Variants in AHCY observed in about 807,000 individuals in gnomAD.
AHCY encodes S-adenosyl-L-homocysteine hydrolase.
In AHCY, 24 loss-of-function variants were observed where a neutral mutation model predicts 45.4. The observed-to-expected ratio is 0.53, with a 90% CI of 0.38 to 0.74. AHCY has a LOEUF of 0.74. AHCY is among the 30% of genes least tolerant of loss of function. The pLI is 0.00. For synonymous variants in AHCY, 245 were observed against 235.1 expected, an observed-to-expected ratio of 1.04 and a Z score of -0.39; for missense variants, 449 against 594.1, an observed-to-expected ratio of 0.76 and a Z score of 2.54.
chr20:34,270,109 G>A, the AHCY span, among the ~76,000 whole-genome samples: 12 of 151,796 alleles, frequency 7.9e-5, no homozygotes, highest in Admixed American at 1.3e-4. Flanking sequence ...AAAATTAGCC[G>A]GGTGTGGTGG....
chr20:34,285,885 G>A (rs766359200), intron 8 of AHCY: 22 of 485,912 alleles, frequency 4.5e-5, no homozygotes, highest in Non-Finnish European at 8.3e-5. Context: ...CGGATCATGA[G>A]GTCAGGAGAT....
the AHCY span, among the ~76,000 whole-genome samples, chr20:34,270,911 A>C: frequency 6.6e-6 from 1 of 151,342 alleles, no homozygotes; most frequent in African/African-American, 2.4e-5. Flanking sequence ...TCCTGCCTCA[A>C]CCTCCCAAAG....
chr20:34,271,513 G>A, the AHCY span, among the ~76,000 whole-genome samples: 1 of 151,500 alleles, frequency 6.6e-6, no homozygotes, highest in Non-Finnish European at 1.5e-5. Context: ...TTCCTGAAGG[G>A]CATAGCCTTA....
the AHCY span, among the ~76,000 whole-genome samples, chr20:34,249,120 C>T: frequency 6.6e-6 from 1 of 151,848 alleles, no homozygotes; most frequent in Non-Finnish European, 1.5e-5. Context: ...CAGAGTGAGA[C>T]CCTGTCTCGA....
chr20:34,274,341 C>G, the AHCY span, among the ~76,000 whole-genome samples: 2 of 152,186 alleles, frequency 1.3e-5, no homozygotes, highest in African/African-American at 4.8e-5. Flanking sequence ...ATAGACCTCA[C>G]ACCTCAGCAT....
the AHCY span, among the ~76,000 whole-genome samples, chr20:34,251,580 G>A: frequency 1.3e-5 from 2 of 152,142 alleles, no homozygotes; most frequent in Non-Finnish European, 2.9e-5. Flanking sequence ...GACCTTCTCT[G>A]TGTAACTATT....
At chr20:34,242,380 A>G in the AHCY span, among the ~76,000 whole-genome samples, 2 of 152,040 alleles carry the variant, frequency 1.3e-5, no homozygotes, top group African/African-American at 2.4e-5. Context: ...CAACAGGCAC[A>G]CACCACCACG....
the AHCY span, among the ~76,000 whole-genome samples, chr20:34,236,509 A>AC: frequency 6.6e-6 from 1 of 151,600 alleles, no homozygotes; most frequent in African/African-American, 2.4e-5. Flanking sequence ...GCACCACTGC[A>AC]CTCCAGCCTG....
intron 9 of AHCY, among the ~76,000 whole-genome samples, chr20:34,282,714 A>G (rs532909656): frequency 1.1e-4 from 16 of 152,268 alleles, no homozygotes; most frequent in African/African-American, 3.9e-4. Context: ...CAAAGCCCCA[A>G]AATGTGTCTC....
intron 1 of AHCY, among the ~76,000 whole-genome samples, chr20:34,300,844 G>A (rs907100764): frequency 3.3e-5 from 5 of 152,204 alleles, no homozygotes; most frequent in Non-Finnish European, 7.3e-5. Context: ...GACTGGGGTG[G>A]TGACCGTGGA....
At position 34,280,712 on chromosome 20, in the gene AHCY, C is replaced by T. The variant is rs1352129118; in HGVS notation, c.*322G>A. On this transcript the variant is annotated 3_prime_UTR_variant, in exon 10 of 10. Coordinates refer to ENST00000217426, the MANE Select transcript of AHCY (RefSeq NM_000687.4). The stretch of plus-strand genomic sequence containing the variant: ...AGGTGAAGGCCTAGATGGCAAAACA[C>T]ATGGGCTTTGTGACTCCACTACTGA... 4.8e-6 allele frequency: 2 copies of T among 412,642 alleles called. No individual in the cohort carries two copies. Among genetic ancestry groups the T allele is most frequent in the Non-Finnish European group, 9.2e-6 (2 of 218,092 alleles). 25.6% of individuals were successfully genotyped at this position (412,642 alleles called of 1,614,324 possible). A position where few individuals can be genotyped will look rare whatever the true frequency, so the allele number is the denominator to read the frequency against.
At chr20:34,308,243 A>G (rs559596777), upstream of AHCY, among the ~76,000 whole-genome samples, 1 of 152,352 alleles carries the variant, frequency 6.6e-6, no homozygotes, top group South Asian at 2.1e-4. Context: ...TATTGTGAAT[A>G]GTACCTGTTA....
intron 2 of AHCY, among the ~76,000 whole-genome samples, chr20:34,294,881 C>A (rs376917145): frequency 6.6e-6 from 1 of 152,172 alleles, no homozygotes; most frequent in Non-Finnish European, 1.5e-5. Flanking sequence ...AAGAAGAGGT[C>A]CAAGGACTCA....
the AHCY span, chr20:34,262,833 G>A: frequency 2.4e-5 from 39 of 1,613,836 alleles, no homozygotes; most frequent in East Asian, 8.9e-5. Flanking sequence ...TCTTTGAAGC[G>A]CTGAACAAGA....
At chr20:34,295,314 C>T in intron 2 of AHCY, 81 bp downstream of exon 2, 1 of 1,561,352 alleles carries the variant, frequency 6.4e-7, no homozygotes, top group Non-Finnish European at 8.7e-7. Flanking sequence ...TGGAAGGTCC[C>T]CACCCTGGCA....
upstream of AHCY, among the ~76,000 whole-genome samples, chr20:34,305,915 C>G (rs1427597837): frequency 6.6e-6 from 1 of 151,826 alleles, no homozygotes; most frequent in Non-Finnish European, 1.5e-5. Context: ...AACCCTGTAT[C>G]TACTAAAAAT....
the AHCY span, among the ~76,000 whole-genome samples, chr20:34,263,960 C>T: frequency 2.0e-4 from 30 of 151,990 alleles, no homozygotes; most frequent in African/African-American, 7.2e-4. Flanking sequence ...GGTGAGCCAC[C>T]TTGCCCAGCT....
At chr20:34,303,012 C>A (rs1055521185) in intron 1 of AHCY, 1 of 985,290 alleles carries the variant, frequency 1.0e-6, no homozygotes. Context: ...CGCGCGGCGG[C>A]CCCGGCGTCG....
At chr20:34,306,776 CT>C (rs2122847756), upstream of AHCY, among the ~76,000 whole-genome samples, 1 of 152,286 alleles carries the variant, frequency 6.6e-6, no homozygotes, top group African/African-American at 2.4e-5. Flanking sequence ...TGGATGAATC[CT>C]TAGAGAATTA....
Sources: gnomAD v4.1 joint callset for allele counts (sites outside exome capture counted in the v4.1 genomes callset) on GRCh38, gnomAD v4.1.1 for gene constraint, MANE v1.5 for transcripts, NCBI Gene and HGNC (gene_info 2026-07-23, HGNC 2026-07-21) for gene names.